The following ANKRD12 variants were observed in gnomAD, a reference collection of about 807,000 sequenced individuals.
ANKRD12 encodes ankyrin repeat domain 12.
ANKRD12 carries 85 observed loss-of-function variants against 183.4 expected under a neutral mutation model. The ratio of observed to expected loss-of-function variants is 0.46; its 90% CI spans 0.39 to 0.56. The LOEUF (loss-of-function observed/expected upper bound fraction) is 0.56. Ranked by LOEUF, ANKRD12 falls within the 20% of genes least tolerant of loss-of-function variation. The probability of loss-of-function intolerance (pLI) is 0.00; values close to 1 mark genes in which losing one functional copy is unlikely to be tolerated. For missense variants in ANKRD12, 2,405 were observed against 2,357.1 expected (o/e 1.02, Z -0.42); for synonymous variants, 914 against 800.2 (o/e 1.14, Z -2.40).
chr18:9,254,846 C>T lies in ANKRD12; in HGVS notation c.1579C>T (p.Pro527Ser), dbSNP rs773335218. Residue 527 changes from proline (P) to serine (S), a missense_variant, in exon 9 of 13, where the codon CCA becomes TCA. Coordinates refer to ENST00000262126, the MANE Select transcript of ANKRD12 (RefSeq NM_015208.5). ...GGGGAACTTTAGGAAATCTTTTAGC[C>T]CAAAAGATGATACTTCATTACATTT... ...EEGNFRKSFS[P>S]KDDTSLHLFH... 1 of 1,497,656 alleles carries T rather than the reference C, an allele frequency of 6.7e-7. No individual in the cohort carries two copies. The highest frequency in any genetic ancestry group is 8.9e-7 in the Non-Finnish European group (1 of 1,126,442). 92.8% of individuals were successfully genotyped at this position (1,497,656 alleles called of 1,614,324 possible).
At position 9,179,040 on chromosome 18, in the gene ANKRD12, ATGT is replaced by A. The variant is rs369134442; in HGVS notation, c.-51-3335_-51-3333del. On this transcript the variant is annotated intron_variant, in intron 1 of 12. Coordinates refer to ENST00000262126, the MANE Select transcript of ANKRD12 (RefSeq NM_015208.5). ...TATCCCTAAGAATTTAGTACTTCTG[ATGT>A]TGTTGTAGGTTGTATTTTTAATTTT... 1.1e-3 allele frequency among the ~76,000 whole-genome samples: 169 copies of A among 152,162 alleles called. 1 individual carries two copies. The South Asian group carries it at 0.017, about 16-fold the overall frequency.
At chr18:9,166,952 A>T (rs1159761273) in intron 1 of ANKRD12, among the ~76,000 whole-genome samples, 3 of 152,210 alleles carry the variant, frequency 2.0e-5, no homozygotes, top group Non-Finnish European at 4.4e-5. Flanking sequence ...CAGTTTTCCC[A>T]GCACCATTTA....
intron 2 of ANKRD12, among the ~76,000 whole-genome samples, chr18:9,187,462 C>T (rs1356406014): frequency 6.6e-6 from 1 of 152,118 alleles, no homozygotes; most frequent in East Asian, 1.9e-4. Flanking sequence ...ACCCCATTTA[C>T]AGTTTAATAT....
At chr18:9,279,465 A>G in intron 11 of ANKRD12, 84 bp from the exon 12 acceptor site, 1 of 773,260 alleles carries the variant, frequency 1.3e-6, no homozygotes, top group Admixed American at 2.6e-5. Context: ...CTAAGAAAGC[A>G]GCATATACCA....
At chr18:9,205,952 T>C (rs911165527) in intron 4 of ANKRD12, among the ~76,000 whole-genome samples, 4 of 152,120 alleles carry the variant, frequency 2.6e-5, no homozygotes, top group African/African-American at 9.6e-5. Flanking sequence ...TAATAAGTAC[T>C]TAACACTTAA....
rs548652706 is a variant in ANKRD12, at chr18:9,174,393, G to C, written c.-51-7989G>C. On this transcript the variant is annotated intron_variant, in intron 1 of 12. Coordinates refer to ENST00000262126, the MANE Select transcript of ANKRD12 (RefSeq NM_015208.5). Reference sequence around the variant, plus strand: ...TCACCTTGTTGGGATTCCCAAGGGTGGAGTCTGTAAAACTCCTGGGTTTAC... The same window carrying C: ...TCACCTTGTTGGGATTCCCAAGGGTCGAGTCTGTAAAACTCCTGGGTTTAC... Among the ~76,000 whole-genome samples the C allele has an allele frequency of 2.0e-5, 3 of 152,324 alleles. No homozygotes were observed. The East Asian group carries it at 5.8e-4, about 29-fold the overall frequency.
At chr18:9,250,702 A>AC (rs1298265677) in intron 8 of ANKRD12, among the ~76,000 whole-genome samples, 1 of 152,138 alleles carries the variant, frequency 6.6e-6, no homozygotes, top group Non-Finnish European at 1.5e-5. Flanking sequence ...GGGCAACAGA[A>AC]CAAGACCCTG....
At chr18:9,193,090 T>A (rs972631676) in intron 2 of ANKRD12, among the ~76,000 whole-genome samples, 1 of 152,100 alleles carries the variant, frequency 6.6e-6, no homozygotes, top group Non-Finnish European at 1.5e-5. Flanking sequence ...AATTACCCAT[T>A]TTTACAGGCT....
intron 8 of ANKRD12, among the ~76,000 whole-genome samples, chr18:9,237,238 G>A (rs929049025): frequency 2.0e-5 from 3 of 152,132 alleles, no homozygotes; most frequent in African/African-American, 7.2e-5. Context: ...ATCTATCAAT[G>A]AAATGATAGG....
intron 3 of ANKRD12, among the ~76,000 whole-genome samples, chr18:9,198,432 AT>A (rs2144463510): frequency 6.6e-6 from 1 of 152,314 alleles, no homozygotes; most frequent in Admixed American, 6.5e-5. Context: ...GGACATAGGA[AT>A]TTGCTTTAGT....
intron 7 of ANKRD12, among the ~76,000 whole-genome samples, chr18:9,219,593 C>T (rs1437753517): frequency 2.0e-5 from 3 of 151,948 alleles, no homozygotes; most frequent in Non-Finnish European, 4.4e-5. Flanking sequence ...CCTCCTCTTG[C>T]CTCCTCCCTC....
chr18:9,144,920 A>G (rs1320671164), intron 1 of ANKRD12, among the ~76,000 whole-genome samples: 1 of 152,146 alleles, frequency 6.6e-6, no homozygotes, highest in Admixed American at 6.5e-5. Flanking sequence ...ATATGTATAC[A>G]TATTAATATG....
At chr18:9,217,946 A>G (rs1284657302) in intron 7 of ANKRD12, among the ~76,000 whole-genome samples, 2 of 152,184 alleles carry the variant, frequency 1.3e-5, no homozygotes, top group Non-Finnish European at 2.9e-5. Context: ...CAGAATGACA[A>G]AAACTTAATC....
intron 3 of ANKRD12, among the ~76,000 whole-genome samples, chr18:9,196,222 A>ACACACACACACT (rs869042165): frequency 2.3e-5 from 3 of 133,298 alleles, no homozygotes; most frequent in South Asian, 2.6e-4. Context: ...ACACACACAC[A>ACACACACACACT]CTGAGGCTAA....
At chr18:9,180,255 A>G (rs1459683711) in intron 1 of ANKRD12, among the ~76,000 whole-genome samples, 2 of 152,166 alleles carry the variant, frequency 1.3e-5, no homozygotes, top group Admixed American at 6.5e-5. Context: ...GATGTTGTTA[A>G]TATAGCCACT....
chr18:9,270,498 A>G (rs998252915), intron 10 of ANKRD12, among the ~76,000 whole-genome samples: 2 of 152,228 alleles, frequency 1.3e-5, no homozygotes, highest in African/African-American at 2.4e-5. Context: ...CATCATTCTC[A>G]GCAAACTATC....
rs145703469 is a variant in ANKRD12 at position 9,258,475 on chromosome 18, T to C, written c.5208T>C (p.Thr1736=). Residue 1736 remains threonine (T), a synonymous_variant, in exon 9 of 13, where the codon ACT becomes ACC. Transcript: ENST00000262126. ...AAAACCAAATCCCTCAAAGAATGAC[T>C]AGAAACAAAGCAAATACAATGGCAA... ...KTENQIPQRM[T]RNKANTMANQ... is the part of the protein sequence containing the mutation. 6.2e-7 allele frequency: 1 copy of C among 1,613,600 alleles called. No homozygotes were observed. The highest frequency in any genetic ancestry group is 1.3e-5 in the African/African-American group (1 of 74,900).
At chr18:9,262,757 C>T (rs892458051) in intron 9 of ANKRD12, among the ~76,000 whole-genome samples, 9 of 135,308 alleles carry the variant, frequency 6.7e-5, no homozygotes, top group African/African-American at 2.2e-4. Flanking sequence ...GGATTACAGG[C>T]GAGAGCCACC....
chr18:9,142,994 G>C (rs1385698002), intron 1 of ANKRD12, among the ~76,000 whole-genome samples: 1 of 152,176 alleles, frequency 6.6e-6, no homozygotes, highest in African/African-American at 2.4e-5. Flanking sequence ...TTGTAACTAG[G>C]AATAAAGCCT....
Sources: gnomAD v4.1 joint callset for allele counts (sites outside exome capture counted in the v4.1 genomes callset) on GRCh38, gnomAD v4.1.1 for gene constraint, MANE v1.5 for transcripts, NCBI Gene and HGNC (gene_info 2026-07-23, HGNC 2026-07-21) for gene names.